AP1S2: variants seen among roughly 807,000 people sequenced by gnomAD.
The protein encoded by AP1S2 is AP-1 complex subunit sigma-2.
A neutral mutation model predicts 14.3 loss-of-function variants in AP1S2; 1 was observed. That is an observed-to-expected ratio of 0.07 (90% CI 0.02 to 0.33). AP1S2 has a LOEUF of 0.33. AP1S2 is among the 10% of genes least tolerant of loss of function. AP1S2 has a pLI of 0.99. For synonymous variants in AP1S2, 30 were observed against 40.5 expected (o/e 0.74, Z 0.99); for missense variants, 30 against 117.7 (o/e 0.25, Z 3.45).
intron 4 of AP1S2, among the ~76,000 whole-genome samples, chrX:15,839,777 C>T (rs1015013215): frequency 9.0e-5 from 10 of 110,643 alleles, no homozygotes; most frequent in African/African-American, 3.3e-5. Context: ...CTTGGGCCAC[C>T]GTGCTCAGCC....
rs1305060194 is a variant in AP1S2 at position 15,826,878 on chromosome X, T to C, written c.*447A>G. On this transcript the variant is annotated 3_prime_UTR_variant, in exon 6 of 6. Transcript: ENST00000672987. ...TTCCATTCATTTGATATGTGACATGTCAATTCCCTTTTTTTTTTTTTTTAC... is the reference window on the plus strand; with the variant it reads ...TTCCATTCATTTGATATGTGACATGCCAATTCCCTTTTTTTTTTTTTTTAC... 9.3e-6 allele frequency: 1 copy of C among 108,064 alleles called. No individual in the cohort carries two copies. The highest frequency in any genetic ancestry group is 3.1e-4 in the East Asian group (1 of 3,209). The allele number at this position is 108,064 out of a possible 1,213,427, so 8.9% of individuals were successfully genotyped here. A position where few individuals can be genotyped will look rare whatever the true frequency, so the allele number is the denominator to read the frequency against.
chrX:15,844,409 A>G (rs1173423743), intron 4 of AP1S2, among the ~76,000 whole-genome samples: 1 of 112,767 alleles, frequency 8.9e-6, no homozygotes, highest in African/African-American at 3.2e-5. Flanking sequence ...ATACAAAATC[A>G]TATTTTCAAT....
In AP1S2 at chrX:15,852,450, T is replaced by C; in HGVS notation, c.75A>G (p.Lys25=). 1 of 1,211,680 alleles carries C rather than the reference T, an allele frequency of 8.3e-7. No individual in the cohort carries two copies. The highest frequency in any genetic ancestry group is 1.1e-6 in the Non-Finnish European group (1 of 895,151). Residue 25 remains lysine (K), a synonymous_variant, in exon 2 of 6, where the codon AAA becomes AAG. Transcript: ENST00000672987. The part of the protein sequence containing the change: ...LQKWYVPLSD[K]EKKKITRELV... ...GTTCTCTTGTGATCTTTTTCTTCTC[T>C]TTGTCTGATAGTGGGACATACCATT...
intron 2 of AP1S2, among the ~76,000 whole-genome samples, chrX:15,851,312 T>G (rs1302412715): frequency 8.9e-6 from 1 of 112,163 alleles, no homozygotes; most frequent in Non-Finnish European, 1.9e-5. Context: ...AACTTATGTC[T>G]TGTAATCTCC....
intron 4 of AP1S2, chrX:15,844,979 A>G (rs1422133144): frequency 1.3e-6 from 1 of 746,771 alleles, no homozygotes; most frequent in Non-Finnish European, 1.6e-6. Context: ...TCATAATCTC[A>G]TAGTCAACTC....
rs936675118 is a variant in AP1S2, at chrX:15,833,112, C to A, written c.427-4912G>T. On this transcript the variant is annotated intron_variant, in intron 4 of 5. Transcript: ENST00000672987. ...GCCTAAATAATACCAGTTCTTTGAG[C>A]CTTTATATTATAGTTTATCATCTTT... 1.2e-5 allele frequency: 12 copies of A among 994,918 alleles called. No individual in the cohort carries two copies. In the African/African-American group the frequency reaches 1.8e-4, roughly 15 times the overall value. The allele number at this position is 994,918 out of a possible 1,213,427, so 82.0% of individuals were successfully genotyped here. A position where few individuals can be genotyped will look rare whatever the true frequency, so the allele number is the denominator to read the frequency against.
intron 1 of AP1S2, chrX:15,852,751 G>T: frequency 2.4e-6 from 1 of 413,217 alleles, no homozygotes; most frequent in African/African-American, 2.7e-5. Context: ...GTTTGAAGGG[G>T]AGTGTGCAGG....
At chrX:15,831,577 GAAA>G (rs779927273) in intron 4 of AP1S2, 1 of 757,537 alleles carries the variant, frequency 1.3e-6, no homozygotes, top group East Asian at 1.2e-4. Flanking sequence ...GGCTACAAAA[GAAA>G]TGCATATATT....
At chrX:15,837,779 G>T (rs1467111410) in intron 4 of AP1S2, among the ~76,000 whole-genome samples, 2 of 108,995 alleles carry the variant, frequency 1.8e-5, no homozygotes, top group African/African-American at 6.7e-5. Flanking sequence ...GCTAATTTTT[G>T]TATTTTTAGT....
chrX:15,836,675 G>A (rs1933650653), intron 4 of AP1S2, among the ~76,000 whole-genome samples: 1 of 111,946 alleles, frequency 8.9e-6, no homozygotes, highest in South Asian at 3.7e-4. Flanking sequence ...GAGCCTCGGA[G>A]TTCAAGACCA....
chrX:15,831,395 T>C lies in AP1S2; in HGVS notation c.427-3195A>G, dbSNP rs1324305901. 20 of 721,365 alleles carry C rather than the reference T, an allele frequency of 2.8e-5. No individual in the cohort carries two copies. The African/African-American group carries it at 4.3e-4, about 15-fold the overall frequency. 59.4% of individuals were successfully genotyped at this position (721,365 alleles called of 1,213,427 possible). A position where few individuals can be genotyped will look rare whatever the true frequency, so the allele number is the denominator to read the frequency against. On this transcript the variant is annotated intron_variant, in intron 4 of 5. Transcript: ENST00000672987. ...GAATGTGAACAGGAAAAAAATACAA[T>C]CATAAAAGTACTAGTTCTAAAATGT...
intron 1 of AP1S2, among the ~76,000 whole-genome samples, chrX:15,854,042 G>A (rs1934254270): frequency 8.9e-6 from 1 of 111,773 alleles, no homozygotes; most frequent in Non-Finnish European, 1.9e-5. Context: ...CACTTTGCAG[G>A]ACGAAAAAAC....
At position 15,846,358 on chromosome X, in the gene AP1S2, C is replaced by G. The variant is rs900412822; in HGVS notation, c.180-347G>C. Among the ~76,000 whole-genome samples, 7 of 111,952 alleles carry G rather than the reference C, an allele frequency of 6.3e-5. No homozygotes were observed. In the Admixed American group the frequency reaches 6.6e-4, roughly 11 times the overall value. ...AAAATATATAGCAGATTAATTCAAA[C>G]TGTAAGTACAGAGAAGAAAACAAAC... is the stretch of plus-strand genomic sequence containing the variant. On this transcript the variant is annotated intron_variant, in intron 2 of 5. Coordinates refer to ENST00000672987, the MANE Select transcript of AP1S2 (RefSeq NM_001272071.2).
At chrX:15,843,828 G>A (rs185576012) in intron 4 of AP1S2, among the ~76,000 whole-genome samples, 20 of 111,669 alleles carry the variant, frequency 1.8e-4, no homozygotes, top group African/African-American at 6.5e-4. Context: ...AAAATAAGGA[G>A]ATACTAACTT....
chrX:15,850,345 G>A (rs999111970), intron 2 of AP1S2, among the ~76,000 whole-genome samples: 11 of 109,630 alleles, frequency 1.0e-4, no homozygotes, highest in East Asian at 2.9e-4. Flanking sequence ...CCTTTCCTTC[G>A]CTGCTCTCTC....
rs749351171 is a variant in AP1S2, at chrX:15,838,710, G to A, written c.426+6669C>T. On this transcript the variant is annotated intron_variant, in intron 4 of 5. Transcript: ENST00000672987. ...ATAAAGCAAAATGACTACAACCTGA[G>A]AACCAGAGAGTAAGGACACTGGCCA... is the stretch of plus-strand genomic sequence containing the variant. Among the ~76,000 whole-genome samples, 4 of 111,189 alleles carry A rather than the reference G, an allele frequency of 3.6e-5. No individual in the cohort carries two copies. In the East Asian group the frequency reaches 1.1e-3, roughly 31 times the overall value.
chrX:15,834,481 A>ATATT (rs1569080380), intron 4 of AP1S2, among the ~76,000 whole-genome samples: 3 of 13,017 alleles, frequency 2.3e-4, no homozygotes, highest in East Asian at 2.3e-3. Context: ...TATATATATA[A>ATATT]TTTTTTTTTT....
At chrX:15,852,267 G>T in intron 2 of AP1S2, 79 bp downstream of exon 2, 1 of 877,961 alleles carries the variant, frequency 1.1e-6, no homozygotes, top group Non-Finnish European at 1.6e-6. Context: ...ATTTATAAAT[G>T]TCATCACTGA....
rs182673388 is a variant in AP1S2, at chrX:15,845,867, A to G, written c.288+36T>C. ...TAGAGAAAAGGTTCCAAAATATACT[A>G]TGGCATTCAATTTCCTAAAATAAAA... is the stretch of plus-strand genomic sequence containing the variant. On this transcript the variant is annotated intron_variant, in intron 3 of 5. Coordinates refer to ENST00000672987, the MANE Select transcript of AP1S2 (RefSeq NM_001272071.2). 1.3e-4 allele frequency: 143 copies of G among 1,071,071 alleles called. No individual in the cohort carries two copies. The East Asian group carries it at 1.8e-3, about 13-fold the overall frequency. The allele number at this position is 1,071,071 out of a possible 1,213,427, so 88.3% of individuals were successfully genotyped here.
Sources: allele counts gnomAD v4.1 joint callset (sites outside exome capture counted in the v4.1 genomes callset), GRCh38; gene constraint gnomAD v4.1.1; transcripts MANE v1.5; gene names NCBI Gene and HGNC (gene_info 2026-07-23, HGNC 2026-07-21).